RBM26: variants seen among roughly 807,000 people sequenced by gnomAD.
RBM26 encodes the protein RNA binding motif protein 26, also known as RNA-binding protein 26.
In RBM26, 30 loss-of-function variants were observed where a neutral mutation model predicts 123.6. The observed-to-expected ratio is 0.24, with a 90% CI of 0.18 to 0.33. The LOEUF is 0.33. RBM26 is among the 10% of genes least tolerant of loss of function. The pLI is 1.00. For synonymous variants in RBM26, 400 were observed against 404.4 expected (o/e 0.99, Z 0.13); for missense variants, 947 against 1,203.6 (o/e 0.79, Z 3.15).
intron 9 of RBM26, 56 bp downstream of exon 9, chr13:79,365,522 G>C: frequency 7.2e-7 from 1 of 1,393,588 alleles, no homozygotes; most frequent in Non-Finnish European, 1.0e-6. Flanking sequence ...CTTTATAAAT[G>C]TTTTCCCACT....
chr13:79,342,532 G>T, intron 17 of RBM26, 132 bp downstream of exon 17: 1 of 642,054 alleles, frequency 1.6e-6, no homozygotes, highest in Non-Finnish European at 2.7e-6. Context: ...ATTTATGGCA[G>T]GGGGAGAATG....
At chr13:79,397,521 G>GA (rs112437551) in intron 1 of RBM26, among the ~76,000 whole-genome samples, 13,142 of 146,306 alleles carry the variant, frequency 0.09, 1,302 homozygotes, top group African/African-American at 0.25. Flanking sequence ...TACTAAAAAT[G>GA]AAAAAAAAAA....
intron 9 of RBM26, among the ~76,000 whole-genome samples, chr13:79,364,111 C>T (rs551195376): frequency 7.3e-6 from 1 of 137,762 alleles, no homozygotes; most frequent in Admixed American, 7.2e-5. Context: ...CCCTCACATA[C>T]AAGCTGTTAA....
At chr13:79,392,944 C>A (rs1414710671) in intron 1 of RBM26, among the ~76,000 whole-genome samples, 1 of 152,102 alleles carries the variant, frequency 6.6e-6, no homozygotes, top group Non-Finnish European at 1.5e-5. Flanking sequence ...GAGAAACCAG[C>A]GAAACTTTAA....
intron 9 of RBM26, among the ~76,000 whole-genome samples, chr13:79,362,979 T>C (rs76515000): frequency 0.019 from 2,964 of 152,284 alleles, 101 homozygotes; most frequent in African/African-American, 0.067. Context: ...TTTTTCTGCC[T>C]AAAATTGTCA....
At chr13:79,357,236 C>T (rs945521478) in intron 11 of RBM26, among the ~76,000 whole-genome samples, 4 of 152,022 alleles carry the variant, frequency 2.6e-5, no homozygotes, top group Non-Finnish European at 5.9e-5. Flanking sequence ...GAATCTTTTT[C>T]CCGCTCTATT....
At chr13:79,403,764 C>A (rs921842438) in intron 1 of RBM26, among the ~76,000 whole-genome samples, 2 of 152,188 alleles carry the variant, frequency 1.3e-5, no homozygotes, top group African/African-American at 4.8e-5. Flanking sequence ...CTATGATGCC[C>A]ACTCTCCAAT....
At chr13:79,383,296 A>G (rs1298848635) in intron 1 of RBM26, among the ~76,000 whole-genome samples, 1 of 152,232 alleles carries the variant, frequency 6.6e-6, no homozygotes, top group Non-Finnish European at 1.5e-5. Flanking sequence ...TATGAAATAT[A>G]AAATAACACA....
chr13:79,356,369 CAAAA>C (rs72305160), intron 11 of RBM26, among the ~76,000 whole-genome samples: 1 of 83,512 alleles, frequency 1.2e-5, no homozygotes, highest in Non-Finnish European at 2.3e-5. Context: ...GACTCTGTCT[CAAAA>C]AAAAAAAAAA....
At chr13:79,363,955 A>C (rs1414801574) in intron 9 of RBM26, among the ~76,000 whole-genome samples, 1 of 152,160 alleles carries the variant, frequency 6.6e-6, no homozygotes, top group Non-Finnish European at 1.5e-5. Context: ...TGAGGAAAAC[A>C]AACTACATGC....
At chr13:79,398,273 T>C (rs1236885310) in intron 1 of RBM26, among the ~76,000 whole-genome samples, 4 of 152,224 alleles carry the variant, frequency 2.6e-5, no homozygotes, top group Non-Finnish European at 5.9e-5. Context: ...TTAGGTTATG[T>C]ACATAACTAA....
chr13:79,344,373 T>A (rs764549112), intron 15 of RBM26, 51 bp from the exon 16 acceptor site: 1 of 1,329,270 alleles, frequency 7.5e-7, no homozygotes, highest in Non-Finnish European at 1.1e-6. Context: ...GGATAAACAA[T>A]ATTATTCAAG....
At chr13:79,404,684 T>C (rs747882428) in intron 1 of RBM26, among the ~76,000 whole-genome samples, 12 of 152,202 alleles carry the variant, frequency 7.9e-5, no homozygotes, top group Non-Finnish European at 1.2e-4. Context: ...TTCCAAGACT[T>C]TGACACACAT....
At chr13:79,345,790 A>T (rs1224622998) in intron 14 of RBM26, among the ~76,000 whole-genome samples, 1 of 152,214 alleles carries the variant, frequency 6.6e-6, no homozygotes, top group Non-Finnish European at 1.5e-5. Context: ...TTTCTGCACT[A>T]AACTAGACTG....
intron 14 of RBM26, among the ~76,000 whole-genome samples, chr13:79,350,443 T>C (rs1233329933): frequency 6.6e-6 from 1 of 152,208 alleles, no homozygotes; most frequent in African/African-American, 2.4e-5. Context: ...TCTTCATGAA[T>C]TTCTTTAGTA....
At chr13:79,370,907 A>C (rs1403318409) in intron 5 of RBM26, 38 bp downstream of exon 5, 1 of 1,568,876 alleles carries the variant, frequency 6.4e-7, no homozygotes, top group South Asian at 1.1e-5. Context: ...TTAAACATGG[A>C]GTTTTTCATA....
chr13:79,330,825 C>G (rs558303972), intron 20 of RBM26, among the ~76,000 whole-genome samples: 8 of 152,200 alleles, frequency 5.3e-5, no homozygotes, highest in African/African-American at 1.7e-4. Context: ...GTTCAATGCA[C>G]ATGGCTACTT....
chr13:79,368,360 A>G (rs934982461), intron 6 of RBM26, among the ~76,000 whole-genome samples: 25 of 152,204 alleles, frequency 1.6e-4, no homozygotes, highest in African/African-American at 5.8e-4. Flanking sequence ...ATTCTTACAA[A>G]GGTGACATTT....
chr13:79,371,371 A>G (rs1031181477), intron 4 of RBM26, among the ~76,000 whole-genome samples: 1 of 152,206 alleles, frequency 6.6e-6, no homozygotes, highest in Non-Finnish European at 1.5e-5. Flanking sequence ...TAGTCTTATT[A>G]CACATTGGCA....
Sources: gnomAD v4.1 joint callset for allele counts (sites outside exome capture counted in the v4.1 genomes callset) on GRCh38, gnomAD v4.1.1 for gene constraint, MANE v1.5 for transcripts, NCBI Gene and HGNC (gene_info 2026-07-23, HGNC 2026-07-21) for gene names.